USP9X: variants seen among roughly 807,000 people sequenced by gnomAD.
USP9X encodes ubiquitin specific peptidase 9 X-linked, also known as ubiquitin carboxyl-terminal hydrolase 9X.
USP9X carries 7 observed loss-of-function variants against 190.3 expected under a neutral mutation model. That is an observed-to-expected ratio of 0.04 (90% CI 0.02 to 0.07). The LOEUF is 0.07. Ranked by LOEUF, USP9X falls within the 10% of genes least tolerant of loss-of-function variation. USP9X has a pLI of 1.00. For synonymous variants in USP9X, 645 were observed against 659.5 expected (o/e 0.98, Z 0.34); for missense variants, 1,010 against 1,916.9 (o/e 0.53, Z 8.83).
chrX:41,114,387 A>G (rs980705349), intron 1 of USP9X, among the ~76,000 whole-genome samples: 5 of 111,676 alleles, frequency 4.5e-5, no homozygotes, highest in African/African-American at 1.6e-4. Flanking sequence ...CAGATGATTG[A>G]TCTTGTAAAC....
At chrX:41,113,793 G>A (rs964052968) in intron 1 of USP9X, among the ~76,000 whole-genome samples, 16 of 110,884 alleles carry the variant, frequency 1.4e-4, no homozygotes, top group African/African-American at 4.6e-4. Context: ...ATTAAGAAAG[G>A]TGTGTCATGA....
chrX:41,135,819 T>G (rs976893350), intron 5 of USP9X, among the ~76,000 whole-genome samples: 20 of 110,349 alleles, frequency 1.8e-4, no homozygotes, highest in African/African-American at 6.6e-4. Flanking sequence ...TTAGGAGAGA[T>G]GGGGTTTCAC....
chrX:41,133,688 G>T (rs1238280677), intron 4 of USP9X, among the ~76,000 whole-genome samples: 3 of 112,133 alleles, frequency 2.7e-5, no homozygotes, highest in African/African-American at 9.7e-5. Context: ...GAGCACATGT[G>T]ATGTTTGTCT....
At chrX:41,205,236 T>G in intron 31 of USP9X, 67 bp from the exon 32 acceptor site, 1 of 838,343 alleles carries the variant, frequency 1.2e-6, no homozygotes, top group Non-Finnish European at 1.7e-6. Context: ...GTTCAATAAC[T>G]GCTTGGCATT....
rs2062208156 is a variant in USP9X at position 41,123,529 on chromosome X, CAA to C, written c.-98_-97del. 1 of 694,600 alleles carries C rather than the reference CAA, an allele frequency of 1.4e-6. No individual in the cohort carries two copies. Among genetic ancestry groups the C allele is most frequent in the Non-Finnish European group, 2.2e-6 (1 of 446,078 alleles). The allele number at this position is 694,600 out of a possible 1,213,427, so 57.2% of individuals were successfully genotyped here. A position where few individuals can be genotyped will look rare whatever the true frequency, so the allele number is the denominator to read the frequency against. On this transcript the variant is annotated 5_prime_UTR_variant, in exon 2 of 45. It adds an upstream start codon to the 5' untranslated region. Transcript: ENST00000378308. ...TTGAATTGGACCTTTTTAAGACTGA[CAA>C]ATGCTGGTACTTCATCTTCTATAAG... is the stretch of plus-strand genomic sequence containing the variant.
At chrX:41,095,844 G>A (rs770156678) in intron 1 of USP9X, among the ~76,000 whole-genome samples, 2 of 111,415 alleles carry the variant, frequency 1.8e-5, no homozygotes, top group Non-Finnish European at 3.8e-5. Context: ...GTTGAGTGTC[G>A]GGGGATTGAG....
chrX:41,103,910 C>G (rs892129616), intron 1 of USP9X, among the ~76,000 whole-genome samples: 1 of 111,568 alleles, frequency 9.0e-6, no homozygotes, highest in African/African-American at 3.3e-5. Flanking sequence ...TTCATTTGTT[C>G]ATTCTTTCAC....
At chrX:41,196,157 C>G in intron 26 of USP9X, 94 bp from the exon 27 acceptor site, 1 of 997,932 alleles carries the variant, frequency 1.0e-6, no homozygotes, top group South Asian at 2.1e-5. Context: ...CCCTTTTATA[C>G]TCCCCCCACC....
Position 41,188,017 on chromosome X carries a change from G to A in USP9X, c.3710G>A (p.Cys1237Tyr), listed in dbSNP as rs746148508. ...GCTTCAAGATATATGCCTGATATTTGTGTAATTAGAGCTATACAAAAAATT... is the reference window on the plus strand; with the variant it reads ...GCTTCAAGATATATGCCTGATATTTATGTAATTAGAGCTATACAAAAAATT... ...DEASRYMPDI[C>Y]VIRAIQKIIW... Residue 1237 changes from cysteine to tyrosine, a missense_variant, in exon 25 of 45, where the codon TGT becomes TAT. Transcript: ENST00000378308. The A allele has an allele frequency of 1.8e-5, 22 of 1,205,755 alleles. No homozygotes were observed. In the South Asian group the frequency reaches 3.9e-4, roughly 21 times the overall value.
chrX:41,181,243 A>G (rs748522194), intron 21 of USP9X, among the ~76,000 whole-genome samples: 1 of 107,175 alleles, frequency 9.3e-6, no homozygotes, highest in African/African-American at 3.4e-5. Flanking sequence ...TTCACCTGGG[A>G]CACATAGCTT....
chrX:41,163,764 TGA>T (rs983954746), intron 15 of USP9X, among the ~76,000 whole-genome samples: 11 of 109,579 alleles, frequency 1.0e-4, no homozygotes, highest in Non-Finnish European at 1.9e-4. Context: ...TTTTTTTAAA[TGA>T]GAGGTTCCTT....
At chrX:41,163,992 C>T (rs2062657074) in intron 15 of USP9X, among the ~76,000 whole-genome samples, 1 of 111,087 alleles carries the variant, frequency 9.0e-6, no homozygotes, top group South Asian at 3.8e-4. Context: ...CCTGCCTCAG[C>T]CTCCCAAGTA....
At chrX:41,092,338 C>T (rs1339277808) in intron 1 of USP9X, among the ~76,000 whole-genome samples, 1 of 111,662 alleles carries the variant, frequency 9.0e-6, no homozygotes, top group Non-Finnish European at 1.9e-5. Context: ...CATTTCTAGT[C>T]TTTTCTGTTA....
In USP9X at chrX:41,205,485, A is replaced by G. The variant is rs1371440102; in HGVS notation, c.5007A>G (p.Lys1669=). 8.3e-7 allele frequency: 1 copy of G among 1,206,474 alleles called. No individual in the cohort carries two copies. The highest frequency in any genetic ancestry group is 2.2e-5 in the Admixed American group (1 of 45,435). The change falls in exon 32 of 45, where the codon AAA becomes AAG. Residue 1669 remains lysine (K), a synonymous_variant. Transcript: ENST00000378308. ...LQYYVPRGFW[K]QFRLWGEPVN... ...ACTATGTGCCCAGAGGATTTTGGAA[A>G]CAGTTCAGGTAAACTATGGATGGAC... is the stretch of plus-strand genomic sequence containing the variant.
chrX:41,086,870 G>C (rs1465951730), intron 1 of USP9X, among the ~76,000 whole-genome samples: 2 of 112,824 alleles, frequency 1.8e-5, no homozygotes, highest in Non-Finnish European at 3.7e-5. Context: ...CAGGTCTTCA[G>C]ATTCTTGTGA....
At position 41,143,347 on chromosome X, in the gene USP9X, G is replaced by A; in HGVS notation, c.1218G>A (p.Gln406=). 2 of 1,203,502 alleles carry A rather than the reference G, an allele frequency of 1.7e-6. No individual in the cohort carries two copies. Among genetic ancestry groups the A allele is most frequent in the Non-Finnish European group, 1.1e-6 (1 of 890,229 alleles). Residue 406 remains glutamine, a synonymous_variant, in exon 10 of 45, where the codon CAG becomes CAA. Coordinates refer to ENST00000378308, the MANE Select transcript of USP9X (RefSeq NM_001039591.3). The part of the protein sequence containing the change: ...LSIVLRDSLH[Q]PQYVEKLEKI... Reference sequence around the variant, plus strand: ...TAGTGTTGCGAGATAGTCTTCATCAGCCACAGTATGTAGAAAAGTTAGAGA... The same window carrying A: ...TAGTGTTGCGAGATAGTCTTCATCAACCACAGTATGTAGAAAAGTTAGAGA...
At chrX:41,200,266 A>G (rs1181194414) in intron 30 of USP9X, among the ~76,000 whole-genome samples, 1 of 111,268 alleles carries the variant, frequency 9.0e-6, no homozygotes, top group Non-Finnish European at 1.9e-5. Context: ...AGATTGGAGT[A>G]TAGTACAACG....
At chrX:41,162,307 G>A (rs1267425515) in intron 14 of USP9X, among the ~76,000 whole-genome samples, 2 of 112,337 alleles carry the variant, frequency 1.8e-5, no homozygotes, top group Admixed American at 1.9e-4. Flanking sequence ...GGTGACAATT[G>A]TATGATAACT....
chrX:41,218,322 G>A, intron 36 of USP9X, 50 bp from the exon 37 acceptor site: 2 of 1,132,017 alleles, frequency 1.8e-6, no homozygotes, highest in Non-Finnish European at 2.4e-6. Flanking sequence ...TTTTACTATA[G>A]AGAACAAGTT....
Sources: gnomAD v4.1 joint callset for allele counts (sites outside exome capture counted in the v4.1 genomes callset) on GRCh38, gnomAD v4.1.1 for gene constraint, MANE v1.5 for transcripts, NCBI Gene and HGNC (gene_info 2026-07-23, HGNC 2026-07-21) for gene names.